SERPINI2: variants seen among roughly 807,000 people sequenced by gnomAD.
The protein encoded by SERPINI2 is serpin I2.
In SERPINI2, 48 loss-of-function variants were observed where a neutral mutation model predicts 47.3. That is an observed-to-expected ratio of 1.02 (90% CI 0.81 to 1.29). The LOEUF is 1.29. SERPINI2 is among the 50% of genes most tolerant of loss of function. The probability of loss-of-function intolerance (pLI) is 0.00; values close to 1 mark genes in which losing one functional copy is unlikely to be tolerated. For synonymous variants in SERPINI2, 135 were observed against 149.3 expected, an observed-to-expected ratio of 0.90 and a Z score of 0.70; for missense variants, 448 against 456.9, an observed-to-expected ratio of 0.98 and a Z score of 0.18.
At chr3:167,445,917 T>G (rs1749465887) in intron 8 of SERPINI2, among the ~76,000 whole-genome samples, 1 of 152,156 alleles carries the variant, frequency 6.6e-6, no homozygotes, top group South Asian at 2.1e-4. Context: ...TTTGACTCCT[T>G]CCTATCCCTC....
At chr3:167,448,480 A>G (rs2108152333) in intron 7 of SERPINI2, among the ~76,000 whole-genome samples, 1 of 152,250 alleles carries the variant, frequency 6.6e-6, no homozygotes, top group African/African-American at 2.4e-5. Context: ...ATACTGATAT[A>G]ATTATTTTGG....
intron 8 of SERPINI2, among the ~76,000 whole-genome samples, chr3:167,445,986 C>T (rs1560229147): frequency 6.6e-6 from 1 of 152,298 alleles, no homozygotes; most frequent in East Asian, 1.9e-4. Context: ...TTCACAACTC[C>T]ACACCTCTCA....
chr3:167,474,952 TAA>T (rs987140529), upstream of SERPINI2, among the ~76,000 whole-genome samples: 1 of 151,710 alleles, frequency 6.6e-6, no homozygotes, highest in Non-Finnish European at 1.5e-5. Context: ...GTAAAAGAAA[TAA>T]AGTGAATATA....
chr3:167,461,879 C>A (rs1200719711), intron 5 of SERPINI2, among the ~76,000 whole-genome samples: 1 of 148,468 alleles, frequency 6.7e-6, no homozygotes, highest in African/African-American at 2.5e-5. Context: ...CTTGGCCCCC[C>A]AAAGTGCTGG....
chr3:167,472,533 T>C (rs2108175785), intron 1 of SERPINI2, among the ~76,000 whole-genome samples: 1 of 152,052 alleles, frequency 6.6e-6, no homozygotes, highest in East Asian at 1.9e-4. Flanking sequence ...AGATCATTTA[T>C]ACCCCAAACC....
In SERPINI2 at chr3:167,465,684, G is replaced by A. The variant is rs1484455725; in HGVS notation, c.479-11C>T. On this transcript the variant is annotated splice_polypyrimidine_tract_variant and intron_variant, in intron 3 of 8. Coordinates refer to ENST00000264677, the Ensembl canonical transcript of SERPINI2. The stretch of plus-strand genomic sequence containing the variant: ...TGTCTTTAATTTTTCCTAGGAAGTG[G>A]GTGGAGGAGGAGGTAAGAAGAAATG... 6.3e-7 allele frequency: 1 copy of A among 1,599,338 alleles called. No homozygotes were observed. Among genetic ancestry groups the A allele is most frequent in the Non-Finnish European group, 8.5e-7 (1 of 1,175,454 alleles).
Position 167,467,055 on chromosome 3 carries a change from CA to C in SERPINI2, c.477del (p.Asp159GlufsTer16). ...ATTTTATGAAAATGGGAAACTTTAC[CA>C]TCTGTTTTTCTTTCTACCCAGGTAC... On this transcript the variant is annotated frameshift_variant and splice_region_variant, in exon 3 of 9. Transcript: ENST00000264677. LOFTEE classifies it high-confidence loss of function. The C allele has an allele frequency of 6.3e-7, 1 of 1,587,088 alleles. No homozygotes were observed. Among genetic ancestry groups the C allele is most frequent in the Non-Finnish European group, 8.6e-7 (1 of 1,165,380 alleles).
chr3:167,475,729 G>T (rs570607964), upstream of SERPINI2, among the ~76,000 whole-genome samples: 149 of 147,818 alleles, frequency 1.0e-3, 2 homozygotes, highest in Admixed American at 2.3e-3. Flanking sequence ...AAATCGGGGT[G>T]GGGGGAGAAT....
chr3:167,465,754 A>T, intron 3 of SERPINI2, 81 bp from the exon 4 acceptor site: 1 of 1,255,728 alleles, frequency 8.0e-7, no homozygotes, highest in East Asian at 2.4e-5. Context: ...AATTAAAGCA[A>T]AAGTGTCTTT....
At chr3:167,469,044 G>A (rs921520538) in intron 2 of SERPINI2, among the ~76,000 whole-genome samples, 1 of 152,036 alleles carries the variant, frequency 6.6e-6, no homozygotes, top group African/African-American at 2.4e-5. Flanking sequence ...ATAAACTGTT[G>A]AACTCAGAAG....
At chr3:167,456,223 C>T (rs1483747099) in intron 5 of SERPINI2, among the ~76,000 whole-genome samples, 1 of 150,946 alleles carries the variant, frequency 6.6e-6, no homozygotes, top group East Asian at 2.0e-4. Flanking sequence ...ACGTCACAGG[C>T]TGAATTTAAA....
intron 8 of SERPINI2, among the ~76,000 whole-genome samples, 156 bp downstream of exon 8, chr3:167,446,236 G>A (rs911328989): frequency 6.6e-6 from 1 of 151,224 alleles, no homozygotes; most frequent in Non-Finnish European, 1.5e-5. Context: ...TTAGGCCTCG[G>A]TCATCTCTTA....
exon 8 of SERPINI2, chr3:167,446,398 G>T (rs907434656): frequency 5.0e-6 from 8 of 1,600,236 alleles, no homozygotes; most frequent in Non-Finnish European, 6.8e-6. Context: ...GTACCTGTTG[G>T]ATTATGCTTC....
chr3:167,448,123 T>C (rs1240995261), intron 7 of SERPINI2, among the ~76,000 whole-genome samples: 1 of 152,238 alleles, frequency 6.6e-6, no homozygotes, highest in Non-Finnish European at 1.5e-5. Flanking sequence ...TTAGGGCTTT[T>C]TTCTAATTAT....
At chr3:167,460,282 A>G (rs1749948394) in intron 5 of SERPINI2, among the ~76,000 whole-genome samples, 2 of 152,228 alleles carry the variant, frequency 1.3e-5, no homozygotes, top group South Asian at 4.1e-4. Context: ...TAAAATATAA[A>G]TCTGCCAGTC....
chr3:167,466,983 TCTTTA>T (rs1324677431), intron 3 of SERPINI2, 67 bp downstream of exon 3: 14 of 1,037,640 alleles, frequency 1.3e-5, no homozygotes, highest in African/African-American at 8.1e-5. Flanking sequence ...ATTCAGCCAT[TCTTTA>T]CTTTAGGATA....
chr3:167,466,651 C>T (rs1192586299), intron 3 of SERPINI2, among the ~76,000 whole-genome samples: 1 of 152,082 alleles, frequency 6.6e-6, no homozygotes, highest in Admixed American at 6.6e-5. Context: ...AATATTAACA[C>T]ATTCAACTAA....
upstream of SERPINI2, among the ~76,000 whole-genome samples, chr3:167,475,192 T>C (rs1448473198): frequency 6.6e-6 from 1 of 151,840 alleles, no homozygotes; most frequent in African/African-American, 2.4e-5. Context: ...AAGCACACTC[T>C]AGTGTAGCTT....
intron 5 of SERPINI2, among the ~76,000 whole-genome samples, chr3:167,458,502 T>C (rs1749876168): frequency 6.6e-6 from 1 of 151,712 alleles, no homozygotes. Context: ...GACCTCGTGA[T>C]CTGCCCACCT....
Sources: gnomAD v4.1 joint callset for allele counts (sites outside exome capture counted in the v4.1 genomes callset) on GRCh38, gnomAD v4.1.1 for gene constraint, MANE v1.5 for transcripts, NCBI Gene and HGNC (gene_info 2026-07-23, HGNC 2026-07-21) for gene names.